Variants in CSTL1 observed in about 807,000 individuals in gnomAD.
CSTL1 encodes cystatin-like 1.
Under a neutral mutation model 14.4 loss-of-function variants are expected in CSTL1, and 14 were observed. That is an observed-to-expected ratio of 0.97 (90% CI 0.64 to 1.52). CSTL1 has a LOEUF of 1.52. Ranked by LOEUF, CSTL1 falls within the 40% of genes most tolerant of loss-of-function variation. The pLI is 0.00. For missense variants in CSTL1, 170 were observed against 168.7 expected (o/e 1.01, Z -0.04); for synonymous variants, 72 against 67.5 (o/e 1.07, Z -0.33).
chr20:23,460,398 G>A, the CSTL1 span, among the ~76,000 whole-genome samples: 1 of 152,172 alleles, frequency 6.6e-6, no homozygotes, highest in Non-Finnish European at 1.5e-5. Context: ...GGAATGCCTT[G>A]GGGATTGAAC....
the CSTL1 span, chr20:23,450,588 T>C: frequency 6.2e-7 from 1 of 1,602,720 alleles, no homozygotes; most frequent in Non-Finnish European, 8.5e-7. Flanking sequence ...GCAGTTGACT[T>C]GCTAAAACAA....
chr20:23,460,842 A>T, the CSTL1 span, among the ~76,000 whole-genome samples: 1 of 152,200 alleles, frequency 6.6e-6, no homozygotes, highest in Non-Finnish European at 1.5e-5. Context: ...CAAGCTGGGA[A>T]CTGGGTCATG....
At chr20:23,453,003 T>C in the CSTL1 span, 1 of 596,472 alleles carries the variant, frequency 1.7e-6, no homozygotes. Flanking sequence ...TGTGCAATGG[T>C]TTTTGCATAA....
chr20:23,444,080 A>T, intron 3 of CSTL1, 36 bp downstream of exon 3: 1 of 1,567,786 alleles, frequency 6.4e-7, no homozygotes, highest in Non-Finnish European at 8.8e-7. Context: ...GGACTTGTGA[A>T]GTGAATATTT....
chr20:23,447,256 G>T (rs1390778415), downstream of CSTL1, among the ~76,000 whole-genome samples: 2 of 152,140 alleles, frequency 1.3e-5, no homozygotes, highest in Non-Finnish European at 2.9e-5. Context: ...CTGGCTTCTT[G>T]AATTCAATAC....
the CSTL1 span, chr20:23,450,677 GAAA>G: frequency 1.1e-6 from 1 of 912,150 alleles, no homozygotes; most frequent in African/African-American, 1.7e-5. Context: ...CGAAGATGGA[GAAA>G]AGGCTACCAC....
chr20:23,455,336 A>G, the CSTL1 span, among the ~76,000 whole-genome samples: 5 of 152,150 alleles, frequency 3.3e-5, no homozygotes, highest in Non-Finnish European at 5.9e-5. Flanking sequence ...ACAGAATCTG[A>G]CTCATAGTAA....
the CSTL1 span, chr20:23,452,497 TC>T: frequency 1.2e-6 from 1 of 832,766 alleles, no homozygotes; most frequent in Non-Finnish European, 2.1e-6. Context: ...AGGTTGAATT[TC>T]CCTTGAGTGG....
the CSTL1 span, chr20:23,452,663 C>A: frequency 6.2e-7 from 1 of 1,613,952 alleles, no homozygotes; most frequent in Non-Finnish European, 8.5e-7. Context: ...GTCGGTGATC[C>A]ACTGCAAGCT....
chr20:23,444,717 G>C, intron 3 of CSTL1, 54 bp from the exon 4 acceptor site: 1 of 1,225,302 alleles, frequency 8.2e-7, no homozygotes, highest in Non-Finnish European at 1.2e-6. Flanking sequence ...GGTGCCTGTT[G>C]CTTGCCTTTG....
chr20:23,457,545 G>A, the CSTL1 span: 1 of 151,412 alleles, frequency 6.6e-6, no homozygotes, highest in Admixed American at 6.6e-5. Context: ...ATGTATGTAT[G>A]TATATATATG....
chr20:23,440,297 G>A lies in CSTL1; in HGVS notation c.30G>A (p.Leu10=). MGIGCWRNP[L]LLLIALVLSA... The stretch of plus-strand genomic sequence containing the variant: ...GGATCGGATGCTGGAGAAACCCCCT[G>A]CTGCTGCTGATTGCCCTGGTCCTGT... Residue 10 remains leucine (L), a synonymous_variant, in exon 2 of 4, where the codon CTG becomes CTA. Coordinates refer to ENST00000347397, the MANE Select transcript of CSTL1 (RefSeq NM_138283.1). The A allele has an allele frequency of 6.2e-7, 1 of 1,614,064 alleles. No individual in the cohort carries two copies. Among genetic ancestry groups the A allele is most frequent in the Non-Finnish European group, 8.5e-7 (1 of 1,179,964 alleles).
At chr20:23,457,692 C>T in the CSTL1 span, 1 of 152,126 alleles carries the variant, frequency 6.6e-6, no homozygotes, top group Non-Finnish European at 1.5e-5. Flanking sequence ...AGCCTTGATG[C>T]TATTTTAAGA....
chr20:23,440,354 G>A lies in CSTL1; in HGVS notation c.87G>A (p.Glu29=). The A allele has an allele frequency of 6.2e-7, 1 of 1,614,200 alleles. No individual in the cohort carries two copies. The highest frequency in any genetic ancestry group is 2.2e-5 in the East Asian group (1 of 44,884). ...AGCTGGGTCACTTCCAAAGGTGGGA[G>A]GGCTTCCAGCAGAAGCTCATGAGCA... The part of the protein sequence containing the change: ...SAKLGHFQRW[E]GFQQKLMSKK... The change falls in exon 2 of 4, where the codon GAG becomes GAA. Residue 29 remains glutamate, a synonymous_variant. Transcript: ENST00000347397.
At chr20:23,446,216 C>T (rs940437703), downstream of CSTL1, among the ~76,000 whole-genome samples, 1 of 151,996 alleles carries the variant, frequency 6.6e-6, no homozygotes, top group Non-Finnish European at 1.5e-5. Context: ...AGTTCTCAAA[C>T]TCCATCCAAG....
At chr20:23,446,702 A>G (rs180675670), downstream of CSTL1, among the ~76,000 whole-genome samples, 47 of 152,324 alleles carry the variant, frequency 3.1e-4, 1 homozygote, top group Admixed American at 2.9e-3. Context: ...TCGATTAGAG[A>G]AGGTGCATGT....
chr20:23,455,723 C>T, the CSTL1 span, among the ~76,000 whole-genome samples: 3 of 152,202 alleles, frequency 2.0e-5, no homozygotes, highest in South Asian at 2.1e-4. Context: ...GGCAAGAGGG[C>T]GGCACCAAAG....
chr20:23,455,475 G>T, the CSTL1 span, among the ~76,000 whole-genome samples: 1 of 152,218 alleles, frequency 6.6e-6, no homozygotes, highest in African/African-American at 2.4e-5. Context: ...CAGAATTGCT[G>T]TAACACTAGG....
At chr20:23,452,691 C>G in the CSTL1 span, 3 of 1,614,100 alleles carry the variant, frequency 1.9e-6, no homozygotes, top group Non-Finnish European at 2.5e-6. Flanking sequence ...GCATAGTTTT[C>G]TACTGCCATC....
Sources: gnomAD v4.1 joint callset for allele counts (sites outside exome capture counted in the v4.1 genomes callset) on GRCh38, gnomAD v4.1.1 for gene constraint, MANE v1.5 for transcripts, NCBI Gene and HGNC (gene_info 2026-07-23, HGNC 2026-07-21) for gene names.